YEATS2: variants seen among roughly 807,000 people sequenced by gnomAD.
The protein encoded by YEATS2 is YEATS domain containing 2, also known as YEATS domain-containing protein 2.
Under a neutral mutation model 163.2 loss-of-function variants are expected in YEATS2, and 77 were observed. The ratio of observed to expected loss-of-function variants is 0.47; its 90% CI spans 0.39 to 0.57. The LOEUF (loss-of-function observed/expected upper bound fraction) is 0.57. YEATS2 is among the 20% of genes least tolerant of loss of function. The pLI is 0.00. For synonymous variants in YEATS2, 631 were observed against 645.1 expected, an observed-to-expected ratio of 0.98 and a Z score of 0.33; for missense variants, 1,549 against 1,729.8, an observed-to-expected ratio of 0.90 and a Z score of 1.85.
chr3:183,783,570 G>A (rs1723778613), intron 19 of YEATS2, among the ~76,000 whole-genome samples: 1 of 152,136 alleles, frequency 6.6e-6, no homozygotes, highest in Admixed American at 6.6e-5. Flanking sequence ...CCATGTCATA[G>A]TCCTCAGTGT....
chr3:183,744,712 T>G (rs1053901777), intron 8 of YEATS2, among the ~76,000 whole-genome samples: 1 of 152,202 alleles, frequency 6.6e-6, no homozygotes, highest in Admixed American at 6.5e-5. Flanking sequence ...TACGGTAGTA[T>G]TTTTCCTGTC....
chr3:183,782,462 C>T (rs1035579005), intron 19 of YEATS2, among the ~76,000 whole-genome samples: 1 of 148,384 alleles, frequency 6.7e-6, no homozygotes, highest in Non-Finnish European at 1.5e-5. Context: ...TCGCTCGTGT[C>T]CCCCAGGCTG....
chr3:183,763,627 C>CA (rs1560286101), intron 15 of YEATS2, among the ~76,000 whole-genome samples: 1 of 152,150 alleles, frequency 6.6e-6, no homozygotes, highest in Non-Finnish European at 1.5e-5. Context: ...TAATAAATGA[C>CA]AAAGTGTTTA....
chr3:183,786,623 T>G (rs888260167), intron 20 of YEATS2, among the ~76,000 whole-genome samples: 1 of 152,216 alleles, frequency 6.6e-6, no homozygotes, highest in African/African-American at 2.4e-5. Context: ...ACCTACTTTC[T>G]TTGGATTTGC....
chr3:183,776,979 TG>T (rs1723068724), intron 18 of YEATS2, among the ~76,000 whole-genome samples: 1 of 151,830 alleles, frequency 6.6e-6, no homozygotes, highest in Non-Finnish European at 1.5e-5. Flanking sequence ...GAAAAGAATT[TG>T]GGTTTAAACC....
At chr3:183,725,629 T>C (rs746067278) in intron 6 of YEATS2, among the ~76,000 whole-genome samples, 165 of 152,348 alleles carry the variant, frequency 1.1e-3, no homozygotes, top group Non-Finnish European at 1.6e-3. Flanking sequence ...GACTGATTTA[T>C]TATCACGAGA....
chr3:183,735,272 C>T (rs539424677), intron 7 of YEATS2, among the ~76,000 whole-genome samples: 7 of 152,290 alleles, frequency 4.6e-5, no homozygotes, highest in Admixed American at 4.6e-4. Flanking sequence ...AACTTCACAT[C>T]AGTAGAATTT....
intron 27 of YEATS2, among the ~76,000 whole-genome samples, chr3:183,804,913 A>G (rs565066443): frequency 1.8e-4 from 28 of 151,380 alleles, no homozygotes; most frequent in Admixed American, 1.6e-3. Flanking sequence ...TGCTTGAACC[A>G]GGGAGGCGGA....
At chr3:183,777,815 CA>C in intron 19 of YEATS2, 115 bp downstream of exon 19, 1 of 1,382,654 alleles carries the variant, frequency 7.2e-7, no homozygotes, top group Non-Finnish European at 9.7e-7. Flanking sequence ...AGAAAATGAA[CA>C]ATAAGGCCAG....
rs990584347 is a variant in YEATS2, at chr3:183,811,859, A to G, written c.*1276A>G. The G allele has an allele frequency of 2.6e-5, 4 of 152,258 alleles. No individual in the cohort carries two copies. Among genetic ancestry groups the G allele is most frequent in the Non-Finnish European group, 4.4e-5 (3 of 68,064 alleles). 9.4% of individuals were successfully genotyped at this position (152,258 alleles called of 1,614,324 possible). On this transcript the variant is annotated 3_prime_UTR_variant, in exon 31 of 31. Transcript: ENST00000305135. Reference sequence around the variant, plus strand: ...TCAGAGAAACTTACCCAAGCAACGTAATTCCTGTTTTCATGGGTCCTGTAG... The same window carrying G: ...TCAGAGAAACTTACCCAAGCAACGTGATTCCTGTTTTCATGGGTCCTGTAG...
At chr3:183,711,059 AT>A (rs1174720706) in intron 1 of YEATS2, among the ~76,000 whole-genome samples, 19 of 151,612 alleles carry the variant, frequency 1.3e-4, no homozygotes, top group East Asian at 3.9e-4. Flanking sequence ...AATTAAGTTT[AT>A]TTTTTTTTAA....
At chr3:183,774,470 G>A (rs1722773317) in intron 17 of YEATS2, among the ~76,000 whole-genome samples, 1 of 152,106 alleles carries the variant, frequency 6.6e-6, no homozygotes, top group Non-Finnish European at 1.5e-5. Context: ...CCATGAAACT[G>A]GTCCCTGGTG....
intron 2 of YEATS2, 48 bp from the exon 3 acceptor site, chr3:183,717,603 A>C: frequency 7.0e-6 from 9 of 1,287,060 alleles, no homozygotes; most frequent in Non-Finnish European, 8.6e-6. Context: ...AAATAAAGAC[A>C]GTCACTGATT....
intron 9 of YEATS2, among the ~76,000 whole-genome samples, chr3:183,751,203 T>C (rs1720128599): frequency 6.6e-6 from 1 of 152,246 alleles, no homozygotes; most frequent in East Asian, 1.9e-4. Context: ...GAAAATACTG[T>C]CTTTTCCCCC....
At chr3:183,715,722 T>A (rs1465983392) in intron 2 of YEATS2, among the ~76,000 whole-genome samples, 1 of 152,200 alleles carries the variant, frequency 6.6e-6, no homozygotes, top group Non-Finnish European at 1.5e-5. Flanking sequence ...ATTAAATGTG[T>A]CATATGGTTC....
intron 1 of YEATS2, among the ~76,000 whole-genome samples, chr3:183,699,917 G>A (rs1319045605): frequency 6.6e-6 from 1 of 152,128 alleles, no homozygotes; most frequent in Non-Finnish European, 1.5e-5. Flanking sequence ...AGTGGGAGGT[G>A]GGAACCGGAT....
At chr3:183,803,796 T>A (rs1577226505) in intron 26 of YEATS2, 191 bp from the exon 27 acceptor site, 3 of 616,176 alleles carry the variant, frequency 4.9e-6, no homozygotes, top group Non-Finnish European at 8.3e-6. Flanking sequence ...TAGGAGTTGC[T>A]GTTTTATTGT....
rs371883057 is a variant in YEATS2, at chr3:183,790,815, G to A, written c.2932G>A (p.Val978Met). ...TGAGCAGTCTGAAGGAATGGCTCCC[G>A]TGTCTTCATCTACGGTCAGTTCTGT... is the stretch of plus-strand genomic sequence containing the variant. ...PAQQSEGMAPVSSSTVSSVTK... is the reference protein window; with the variant it reads ...PAQQSEGMAPMSSSTVSSVTK... Residue 978 changes from valine (V) to methionine (M), a missense_variant, in exon 21 of 31, where the codon GTG (valine) becomes ATG (methionine). Transcript: ENST00000305135. 4.3e-5 allele frequency: 70 copies of A among 1,613,870 alleles called. No individual in the cohort carries two copies. The highest frequency in any genetic ancestry group is 5.6e-5 in the Non-Finnish European group (66 of 1,179,886).
At chr3:183,706,849 T>C (rs1160168626) in intron 1 of YEATS2, among the ~76,000 whole-genome samples, 1 of 151,818 alleles carries the variant, frequency 6.6e-6, no homozygotes, top group Non-Finnish European at 1.5e-5. Flanking sequence ...GCATTGGTAA[T>C]CCAAAAATCT....
Sources: allele counts gnomAD v4.1 joint callset (sites outside exome capture counted in the v4.1 genomes callset), GRCh38; gene constraint gnomAD v4.1.1; transcripts MANE v1.5; gene names NCBI Gene and HGNC (gene_info 2026-07-23, HGNC 2026-07-21).